Variants in KCNIP4 observed in about 807,000 individuals in gnomAD.
The protein encoded by KCNIP4 is Kv channel-interacting protein 4.
Under a neutral mutation model 34.0 loss-of-function variants are expected in KCNIP4, and 12 were observed. That is an observed-to-expected ratio of 0.35 (90% CI 0.23 to 0.57). KCNIP4 has a LOEUF of 0.57. Ranked by LOEUF, KCNIP4 falls within the 20% of genes least tolerant of loss-of-function variation. KCNIP4 has a pLI of 0.83. For synonymous variants in KCNIP4, 124 were observed against 102.2 expected, an observed-to-expected ratio of 1.21 and a Z score of -1.29; for missense variants, 238 against 311.7, an observed-to-expected ratio of 0.76 and a Z score of 1.78.
chr4:20,820,773 G>A (rs1343271728), intron 3 of KCNIP4, among the ~76,000 whole-genome samples: 4 of 152,182 alleles, frequency 2.6e-5, no homozygotes, highest in Non-Finnish European at 5.9e-5. Context: ...GGACTTTGAG[G>A]CTTACTACCC....
chr4:21,797,257 C>T (rs370127414), intron 1 of KCNIP4, among the ~76,000 whole-genome samples: 12 of 152,170 alleles, frequency 7.9e-5, no homozygotes, highest in Middle Eastern at 3.2e-3. Flanking sequence ...AGGTGACCTC[C>T]GGGCCACTGT....
At chr4:20,797,760 C>T (rs955195398) in intron 3 of KCNIP4, among the ~76,000 whole-genome samples, 3 of 152,186 alleles carry the variant, frequency 2.0e-5, no homozygotes, top group Non-Finnish European at 2.9e-5. Flanking sequence ...GGCTGTGGGT[C>T]GGCAGGGAAT....
chr4:20,765,718 C>T (rs1221542014), intron 3 of KCNIP4, among the ~76,000 whole-genome samples: 5 of 152,174 alleles, frequency 3.3e-5, no homozygotes, highest in Non-Finnish European at 7.3e-5. Context: ...GCATTTCTTT[C>T]ATTGCCTGTG....
intron 1 of KCNIP4, among the ~76,000 whole-genome samples, chr4:21,224,758 TG>T (rs1374889710): frequency 6.6e-6 from 1 of 151,792 alleles, no homozygotes; most frequent in African/African-American, 2.4e-5. Flanking sequence ...GGCTAATTTT[TG>T]TATTTTTAGT....
intron 1 of KCNIP4, among the ~76,000 whole-genome samples, chr4:21,869,575 G>A (rs1016012534): frequency 6.6e-6 from 1 of 152,010 alleles, no homozygotes; most frequent in African/African-American, 2.4e-5. Flanking sequence ...AACAGCCAGG[G>A]TCAACCTAAA....
chr4:20,977,910 T>A (rs1453212786), intron 1 of KCNIP4, among the ~76,000 whole-genome samples: 2 of 152,218 alleles, frequency 1.3e-5, no homozygotes, highest in Non-Finnish European at 2.9e-5. Flanking sequence ...CAATACTTTT[T>A]CATCTTGGAT....
intron 1 of KCNIP4, among the ~76,000 whole-genome samples, chr4:21,004,302 C>T (rs761622637): frequency 2.6e-5 from 4 of 152,030 alleles, no homozygotes; most frequent in Non-Finnish European, 5.9e-5. Flanking sequence ...ACTCAGTGCT[C>T]GATTCAATGA....
At chr4:21,889,830 C>T (rs1218929443) in intron 1 of KCNIP4, among the ~76,000 whole-genome samples, 1 of 152,172 alleles carries the variant, frequency 6.6e-6, no homozygotes, top group Non-Finnish European at 1.5e-5. Flanking sequence ...ATTTCCTCCA[C>T]TCAACTATGT....
chr4:21,219,041 T>TA (rs1163574117), intron 1 of KCNIP4, among the ~76,000 whole-genome samples: 1 of 152,168 alleles, frequency 6.6e-6, no homozygotes, highest in Non-Finnish European at 1.5e-5. Context: ...TATAAATTGA[T>TA]AAAATTCATT....
intron 2 of KCNIP4, among the ~76,000 whole-genome samples, chr4:20,873,331 C>T (rs1723680906): frequency 6.6e-6 from 1 of 152,136 alleles, no homozygotes; most frequent in Non-Finnish European, 1.5e-5. Flanking sequence ...CACAGACTTG[C>T]AGTAAATATT....
chr4:21,283,830 T>C (rs1316354059), intron 1 of KCNIP4, among the ~76,000 whole-genome samples: 1 of 151,690 alleles, frequency 6.6e-6, no homozygotes, highest in African/African-American at 2.4e-5. Flanking sequence ...TAAATCATGC[T>C]ACTATAAAGA....
intron 1 of KCNIP4, among the ~76,000 whole-genome samples, chr4:21,253,577 A>C (rs1760865799): frequency 6.6e-6 from 1 of 152,190 alleles, no homozygotes; most frequent in Non-Finnish European, 1.5e-5. Flanking sequence ...TGGAAAAGGA[A>C]TTTGTCTGCT....
intron 1 of KCNIP4, among the ~76,000 whole-genome samples, chr4:21,671,122 A>G (rs1749470663): frequency 6.6e-6 from 1 of 152,146 alleles, no homozygotes; most frequent in Non-Finnish European, 1.5e-5. Context: ...ATAAGTGTTC[A>G]GCCGACTTTG....
chr4:20,761,921 G>A (rs1472615104), intron 3 of KCNIP4, among the ~76,000 whole-genome samples: 6 of 152,066 alleles, frequency 3.9e-5, no homozygotes, highest in Non-Finnish European at 8.8e-5. Context: ...AACACATACT[G>A]TATGCCTATT....
At chr4:21,732,653 C>T (rs6836968) in intron 1 of KCNIP4, among the ~76,000 whole-genome samples, 18,142 of 147,396 alleles carry the variant, frequency 0.12, 3,699 homozygotes, top group African/African-American at 0.42. Context: ...CCACTCTCCT[C>T]ATCCCATTCC....
At chr4:20,765,464 G>A (rs944219494) in intron 3 of KCNIP4, among the ~76,000 whole-genome samples, 1 of 152,286 alleles carries the variant, frequency 6.6e-6, no homozygotes, top group East Asian at 1.9e-4. Context: ...GTGCATTGTA[G>A]CTTGAGAGAT....
At chr4:21,911,761 T>C (rs2108983383) in intron 1 of KCNIP4, among the ~76,000 whole-genome samples, 1 of 152,098 alleles carries the variant, frequency 6.6e-6, no homozygotes, top group East Asian at 1.9e-4. Context: ...AATTCAATCA[T>C]TAATGATTTC....
intron 1 of KCNIP4, among the ~76,000 whole-genome samples, chr4:21,625,213 A>AT (rs895999093): frequency 3.3e-5 from 5 of 152,168 alleles, no homozygotes; most frequent in Admixed American, 2.6e-4. Flanking sequence ...CTACTTAACT[A>AT]TTTTTTACCT....
chr4:21,626,778 C>CT (rs1269370695), intron 1 of KCNIP4, among the ~76,000 whole-genome samples: 4 of 152,036 alleles, frequency 2.6e-5, no homozygotes. Context: ...CATATGGGTT[C>CT]TTTTTTCCCA....
Sources: gnomAD v4.1 joint callset for allele counts (sites outside exome capture counted in the v4.1 genomes callset) on GRCh38, gnomAD v4.1.1 for gene constraint, MANE v1.5 for transcripts, NCBI Gene and HGNC (gene_info 2026-07-23, HGNC 2026-07-21) for gene names.